PPFIBP1: variants seen among roughly 807,000 people sequenced by gnomAD.
The protein encoded by PPFIBP1 is PPFIB scaffold protein 1.
PPFIBP1 carries 112 observed loss-of-function variants against 137.8 expected under a neutral mutation model. The observed-to-expected ratio is 0.81, with a 90% CI of 0.70 to 0.95. The LOEUF (loss-of-function observed/expected upper bound fraction) is 0.95, where lower values mean the gene tolerates loss of function less well. PPFIBP1 is among the 40% of genes least tolerant of loss of function. PPFIBP1 has a pLI of 0.00. For synonymous variants in PPFIBP1, 378 were observed against 417.3 expected (o/e 0.91, Z 1.15); for missense variants, 1,083 against 1,196.6 (o/e 0.91, Z 1.40).
chr12:27,619,595 G>A (rs1258116691), intron 2 of PPFIBP1, among the ~76,000 whole-genome samples: 1 of 152,222 alleles, frequency 6.6e-6, no homozygotes, highest in African/African-American at 2.4e-5. Context: ...AGAGTGGGCA[G>A]TTAGTTGCCT....
chr12:27,647,920 C>G, intron 6 of PPFIBP1, 78 bp downstream of exon 6: 1 of 1,478,960 alleles, frequency 6.8e-7, no homozygotes, highest in South Asian at 1.5e-5. Context: ...GTTGTGTTTG[C>G]TCTGATGCAG....
chr12:27,665,010 A>ATTTTGTATT (rs1463683952), intron 12 of PPFIBP1, among the ~76,000 whole-genome samples: 1 of 152,192 alleles, frequency 6.6e-6, no homozygotes, highest in Non-Finnish European at 1.5e-5. Context: ...CAACATGGTG[A>ATTTTGTATT]TACCACGTCT....
intron 21 of PPFIBP1, among the ~76,000 whole-genome samples, chr12:27,681,126 T>G (rs2060850122): frequency 6.6e-6 from 1 of 152,210 alleles, no homozygotes; most frequent in African/African-American, 2.4e-5. Context: ...CATATTGCCC[T>G]CTTCTCATTG....
At chr12:27,586,015 T>C (rs966825008) in intron 2 of PPFIBP1, among the ~76,000 whole-genome samples, 2 of 152,190 alleles carry the variant, frequency 1.3e-5, no homozygotes, top group Admixed American at 6.5e-5. Context: ...TTAGGAACAA[T>C]AGCAGATTTT....
intron 2 of PPFIBP1, among the ~76,000 whole-genome samples, chr12:27,604,893 C>T (rs566343509): frequency 3.2e-4 from 49 of 152,294 alleles, no homozygotes; most frequent in African/African-American, 1.1e-3. Flanking sequence ...GAACAAGTCA[C>T]ATCTTACATG....
At chr12:27,612,739 C>T (rs1415627242) in intron 2 of PPFIBP1, among the ~76,000 whole-genome samples, 1 of 152,084 alleles carries the variant, frequency 6.6e-6, no homozygotes, top group Non-Finnish European at 1.5e-5. Flanking sequence ...GGCTTCTGGG[C>T]CCTGAAATAC....
intron 1 of PPFIBP1, among the ~76,000 whole-genome samples, chr12:27,539,445 T>G (rs1301803710): frequency 6.6e-6 from 1 of 152,254 alleles, no homozygotes; most frequent in Non-Finnish European, 1.5e-5. Flanking sequence ...GAGATAATTT[T>G]GGTGTGCGGG....
chr12:27,618,398 C>T (rs1483942290), intron 2 of PPFIBP1, among the ~76,000 whole-genome samples: 1 of 152,212 alleles, frequency 6.6e-6, no homozygotes, highest in Non-Finnish European at 1.5e-5. Flanking sequence ...CTTTTAAAGT[C>T]TGATAAGAAA....
At chr12:27,647,355 A>G (rs1441261624) in intron 5 of PPFIBP1, among the ~76,000 whole-genome samples, 1 of 152,070 alleles carries the variant, frequency 6.6e-6, no homozygotes, top group Admixed American at 6.5e-5. Context: ...TGAAGTATCA[A>G]ATTTTTGATA....
rs10549025 is a variant in PPFIBP1, at chr12:27,611,785, G to GCT, written c.-35-21545_-35-21544dup. Among the ~76,000 whole-genome samples the GCT allele has an allele frequency of 5.7e-3, 781 of 138,104 alleles. 7 individuals are homozygous for GCT. Among genetic ancestry groups the GCT allele is most frequent in the African/African-American group, 0.019 (661 of 35,412 alleles). The allele number at this position is 138,104 out of a possible 152,430, so 90.6% of individuals were successfully genotyped here. ...GTATTGGTTCTGCAGTCAACACTGT[G>GCT]CTCTCTCTCTCTCTCTCTCTCTCTC... On this transcript the variant is annotated intron_variant, in intron 2 of 29. Transcript: ENST00000228425.
chr12:27,682,702 T>C lies in PPFIBP1; in HGVS notation c.2246T>C (p.Val749Ala), dbSNP rs781069567. ...VDGRMLHYMT[V>A]DDLLSLKVVS... ...GGTCGAATGCTACATTACATGACTG[T>C]TGTAAGTGACTCACTCCTGGGGTTT... The change falls in exon 24 of 30, where the codon GTT becomes GCT. Residue 749 changes from valine (V) to alanine (A), a missense_variant and splice_region_variant. Val to Ala is a moderately conservative substitution (Grantham distance 64). Coordinates refer to ENST00000228425, the MANE Select transcript of PPFIBP1 (RefSeq NM_003622.4). The C allele has an allele frequency of 3.7e-5, 60 of 1,614,124 alleles. No individual in the cohort carries two copies. In the South Asian group the frequency reaches 6.5e-4, roughly 17 times the overall value.
chr12:27,557,897 T>C (rs1164199638), intron 1 of PPFIBP1, among the ~76,000 whole-genome samples: 2 of 152,244 alleles, frequency 1.3e-5, no homozygotes, highest in Non-Finnish European at 2.9e-5. Flanking sequence ...AAATTCTCTG[T>C]CTCTTAGATC....
intron 6 of PPFIBP1, 61 bp downstream of exon 6, chr12:27,647,903 T>C (rs923445140): frequency 2.6e-6 from 4 of 1,541,424 alleles, no homozygotes; most frequent in African/African-American, 2.8e-5. Flanking sequence ...AGATGCTGCA[T>C]TTCTATGTTG....
At chr12:27,677,420 C>G in intron 19 of PPFIBP1, 1 of 373,956 alleles carries the variant, frequency 2.7e-6, no homozygotes, top group African/African-American at 2.0e-5. Flanking sequence ...CCTTGAAGTG[C>G]ATATTACCAC....
At chr12:27,573,298 T>C (rs1269033333) in intron 1 of PPFIBP1, among the ~76,000 whole-genome samples, 1 of 152,106 alleles carries the variant, frequency 6.6e-6, no homozygotes, top group African/African-American at 2.4e-5. Context: ...TAGTAACGGG[T>C]GTTGGCAATG....
chr12:27,543,789 C>A (rs1945919937), intron 1 of PPFIBP1, among the ~76,000 whole-genome samples: 2 of 151,994 alleles, frequency 1.3e-5, no homozygotes, highest in Admixed American at 1.3e-4. Flanking sequence ...TGAAATGCCT[C>A]ACCCAATTGT....
rs111818593 is a variant in PPFIBP1, at chr12:27,693,803, A to T, written c.*921A>T. 6.6e-6 allele frequency: 1 copy of T among 151,958 alleles called. No homozygotes were observed. Among genetic ancestry groups the T allele is most frequent in the East Asian group, 1.9e-4 (1 of 5,168 alleles). The allele number at this position is 151,958 out of a possible 1,614,324, so 9.4% of individuals were successfully genotyped here. ...GTCAAGCCATTCTGCTTCAGCCCCA[A>T]GTAGGTGGGACTCCAGGCATGCACC... On this transcript the variant is annotated 3_prime_UTR_variant, in exon 30 of 30. Transcript: ENST00000228425.
At chr12:27,658,747 G>C in intron 9 of PPFIBP1, 69 bp from the exon 10 acceptor site, 1 of 1,482,720 alleles carries the variant, frequency 6.7e-7, no homozygotes, top group Non-Finnish European at 9.3e-7. Flanking sequence ...CTAAATAGTA[G>C]TGATTTAAAA....
At chr12:27,601,323 T>G (rs761348487) in intron 2 of PPFIBP1, among the ~76,000 whole-genome samples, 6 of 152,202 alleles carry the variant, frequency 3.9e-5, no homozygotes, top group Non-Finnish European at 8.8e-5. Context: ...GCTGAAATAT[T>G]TATAACGATT....
Sources: gnomAD v4.1 joint callset for allele counts (sites outside exome capture counted in the v4.1 genomes callset) on GRCh38, gnomAD v4.1.1 for gene constraint, MANE v1.5 for transcripts, NCBI Gene and HGNC (gene_info 2026-07-23, HGNC 2026-07-21) for gene names.